Variants in NR1H4 observed in about 807,000 individuals in gnomAD.
NR1H4 encodes the protein nuclear receptor subfamily 1 group H member 4, also known as bile acid receptor.
NR1H4 carries 23 observed loss-of-function variants against 58.5 expected under a neutral mutation model. The ratio of observed to expected loss-of-function variants is 0.39; its 90% CI spans 0.28 to 0.56. The LOEUF (loss-of-function observed/expected upper bound fraction) is 0.56. Ranked by LOEUF, NR1H4 falls within the 20% of genes least tolerant of loss-of-function variation. NR1H4 has a pLI of 0.58. For synonymous variants in NR1H4, 214 were observed against 198.0 expected, an observed-to-expected ratio of 1.08 and a Z score of -0.68; for missense variants, 487 against 576.9, an observed-to-expected ratio of 0.84 and a Z score of 1.60.
intron 1 of NR1H4, among the ~76,000 whole-genome samples, chr12:100,481,224 A>G (rs181986494): frequency 5.9e-5 from 9 of 152,300 alleles, no homozygotes; most frequent in Admixed American, 2.6e-4. Context: ...AACAATTTCC[A>G]TGAGTAAGAG....
chr12:100,487,592 C>CT (rs1953518309), intron 1 of NR1H4, among the ~76,000 whole-genome samples: 1 of 117,718 alleles, frequency 8.5e-6, no homozygotes, highest in Non-Finnish European at 1.9e-5. Flanking sequence ...TCTTCTTCTT[C>CT]TTCTTTTTTT....
At chr12:100,545,712 TACGGC>T (rs546955291) in intron 9 of NR1H4, among the ~76,000 whole-genome samples, 49 of 150,358 alleles carry the variant, frequency 3.3e-4, no homozygotes, top group Non-Finnish European at 1.5e-5. Context: ...ATCTATTAAT[TACGGC>T]ACCAGAAAGA....
rs1435791188 is a variant in NR1H4, at chr12:100,534,913, A to C, written c.622A>C (p.Lys208Gln). 1.9e-6 allele frequency: 3 copies of C among 1,614,234 alleles called. No homozygotes were observed. The highest frequency in any genetic ancestry group is 2.5e-6 in the Non-Finnish European group (3 of 1,180,032). ...YTGLLTEIQC[K>Q]SKRLRKNVKQ... ...AGGCTTGTTAACTGAAATTCAGTGT[A>C]AATCTAAGCGACTGAGAAAAAATGT... The change falls in exon 6 of 11, where the codon AAA (lysine) becomes CAA (glutamine). Residue 208 changes from lysine to glutamine, a missense_variant. Lys to Gln is a moderately conservative substitution (Grantham distance 53, BLOSUM62 1). Transcript: ENST00000392986.
At chr12:100,493,836 G>A (rs190407537) in intron 3 of NR1H4, among the ~76,000 whole-genome samples, 28 of 152,212 alleles carry the variant, frequency 1.8e-4, no homozygotes, top group Non-Finnish European at 3.5e-4. Context: ...CGGTGCTGGG[G>A]GATCTATGGC....
chr12:100,540,957 A>G (rs1457431779), intron 9 of NR1H4, 139 bp downstream of exon 9: 1 of 834,108 alleles, frequency 1.2e-6, no homozygotes, highest in Non-Finnish European at 2.0e-6. Flanking sequence ...CTAAAAAGAT[A>G]TGTGTTAAAT....
At chr12:100,481,568 G>A (rs1392204555) in intron 1 of NR1H4, among the ~76,000 whole-genome samples, 3 of 151,988 alleles carry the variant, frequency 2.0e-5, no homozygotes, top group Non-Finnish European at 4.4e-5. Flanking sequence ...GAGCTCAGGA[G>A]TTCTAGACCA....
At chr12:100,531,105 T>C (rs1954681133) in intron 4 of NR1H4, among the ~76,000 whole-genome samples, 1 of 152,196 alleles carries the variant, frequency 6.6e-6, no homozygotes, top group Non-Finnish European at 1.5e-5. Context: ...GATTCCTAGA[T>C]GTTGAAGGAG....
intron 1 of NR1H4, among the ~76,000 whole-genome samples, chr12:100,476,030 A>G (rs1317028455): frequency 1.3e-5 from 2 of 152,176 alleles, no homozygotes; most frequent in African/African-American, 4.8e-5. Flanking sequence ...CACTGCGCCC[A>G]GCCAGGAGTT....
rs146960823 is a variant in NR1H4 at position 100,518,742 on chromosome 12, A to C, written c.445+7599A>C. 1.6e-3 allele frequency among the ~76,000 whole-genome samples: 249 copies of C among 151,750 alleles called. 4 individuals carry two copies. Among genetic ancestry groups the C allele is most frequent in the East Asian group, 0.013 (66 of 5,152 alleles). On this transcript the variant is annotated intron_variant, in intron 4 of 10. Coordinates refer to ENST00000392986, the MANE Select transcript of NR1H4 (RefSeq NM_001206979.2). ...ACAAAAATAGGCAGGAAAAAAAATG[A>C]CAGTGGGCTGGCTGCAGTTTGCTGA... is the stretch of plus-strand genomic sequence containing the variant.
At chr12:100,476,881 C>A (rs1192162432) in intron 1 of NR1H4, among the ~76,000 whole-genome samples, 1 of 152,012 alleles carries the variant, frequency 6.6e-6, no homozygotes, top group Non-Finnish European at 1.5e-5. Context: ...AGAGAGACAC[C>A]ACCTCAAAAT....
intron 9 of NR1H4, among the ~76,000 whole-genome samples, chr12:100,559,945 A>G (rs1415670838): frequency 6.6e-6 from 1 of 152,082 alleles, no homozygotes; most frequent in South Asian, 2.1e-4. Context: ...GAGTGCACCA[A>G]TCGACACTGT....
chr12:100,548,968 TG>T (rs1175295147), intron 9 of NR1H4, among the ~76,000 whole-genome samples: 2 of 152,156 alleles, frequency 1.3e-5, no homozygotes, highest in Admixed American at 1.3e-4. Flanking sequence ...TCCATACAGA[TG>T]GATGTCATGC....
chr12:100,516,473 TCTC>T (rs1159244028), intron 4 of NR1H4, among the ~76,000 whole-genome samples: 2 of 151,950 alleles, frequency 1.3e-5, no homozygotes, highest in Non-Finnish European at 2.9e-5. Context: ...TTCACGCCAT[TCTC>T]CTGCCTCAGC....
chr12:100,523,087 G>T (rs1383801991), intron 4 of NR1H4, among the ~76,000 whole-genome samples: 2 of 152,088 alleles, frequency 1.3e-5, no homozygotes, highest in Non-Finnish European at 2.9e-5. Context: ...GGGATTGCTG[G>T]ATCGAATGGT....
intron 4 of NR1H4, among the ~76,000 whole-genome samples, chr12:100,518,016 A>T (rs1464524062): frequency 1.3e-5 from 2 of 152,240 alleles, no homozygotes; most frequent in African/African-American, 4.8e-5. Context: ...GAGAGGAAGA[A>T]AACGAAGCAG....
At chr12:100,518,006 G>A (rs1246193746) in intron 4 of NR1H4, among the ~76,000 whole-genome samples, 2 of 152,196 alleles carry the variant, frequency 1.3e-5, no homozygotes, top group East Asian at 1.9e-4. Context: ...ATTCAATGGC[G>A]AGAGGAAGAA....
rs779205873 is a variant in NR1H4, at chr12:100,511,070, T to C, written c.372T>C (p.Asp124=). The C allele has an allele frequency of 6.2e-7, 1 of 1,610,140 alleles. No homozygotes were observed. Among genetic ancestry groups the C allele is most frequent in the Non-Finnish European group, 8.5e-7 (1 of 1,176,448 alleles). ...MGASAGRIKG[D]ELCVVCGDRA... ...CGTCAGCAGGGAGGATCAAAGGGGA[T>C]GAGCTGTGTGTTGTTTGTGGAGACA... Residue 124 remains aspartate, a synonymous_variant, in exon 4 of 11, where the codon GAT becomes GAC. Transcript: ENST00000392986.
intron 3 of NR1H4, among the ~76,000 whole-genome samples, chr12:100,496,237 T>A (rs1953712688): frequency 6.6e-6 from 1 of 152,034 alleles, no homozygotes; most frequent in Admixed American, 6.6e-5. Flanking sequence ...CAAAATAATA[T>A]TATTTTTATA....
intron 4 of NR1H4, among the ~76,000 whole-genome samples, chr12:100,531,560 C>T (rs1281104963): frequency 2.0e-5 from 3 of 152,260 alleles, no homozygotes; most frequent in African/African-American, 7.2e-5. Flanking sequence ...TTGCTATGCA[C>T]AAACCAGCTT....
Sources: gnomAD v4.1 joint callset for allele counts (sites outside exome capture counted in the v4.1 genomes callset) on GRCh38, gnomAD v4.1.1 for gene constraint, MANE v1.5 for transcripts, NCBI Gene and HGNC (gene_info 2026-07-23, HGNC 2026-07-21) for gene names.